The following GLB1 variants were observed in gnomAD, a reference collection of about 807,000 sequenced individuals.
GLB1 encodes galactosidase beta 1.
GLB1 carries 56 observed loss-of-function variants against 74.0 expected under a neutral mutation model. The ratio of observed to expected loss-of-function variants is 0.76; its 90% CI spans 0.61 to 0.94. GLB1 has a LOEUF of 0.94. GLB1 is among the 40% of genes least tolerant of loss of function. GLB1 has a pLI of 0.00. For missense variants in GLB1, 787 were observed against 845.5 expected, an observed-to-expected ratio of 0.93 and a Z score of 0.86; for synonymous variants, 323 against 323.6, an observed-to-expected ratio of 1.00 and a Z score of 0.02.
rs777084738 is a variant in GLB1 at position 33,068,920 on chromosome 3, G to C, written c.296C>G (p.Ser99Cys). ...HEPWPGQYQF[S>C]EDHDVEYFLR... is the part of the protein sequence containing the mutation. ...AAAATATTCCACATCATGGTCCTCA[G>C]AAAACTGGTACTGTCCTGGCCAGGG... Residue 99 changes from serine to cysteine, a missense_variant, in exon 3 of 16, where the codon TCT (serine) becomes TGT (cysteine). Ser to Cys is a moderately radical substitution (Grantham distance 112). Coordinates refer to ENST00000307363, the MANE Select transcript of GLB1 (RefSeq NM_000404.4). 1 of 1,614,128 alleles carries C rather than the reference G, an allele frequency of 6.2e-7. No homozygotes were observed. Among genetic ancestry groups the C allele is most frequent in the South Asian group, 1.1e-5 (1 of 91,082 alleles).
chr3:33,094,386 G>A, intron 1 of GLB1: 1 of 1,351,920 alleles, frequency 7.4e-7, no homozygotes, highest in Non-Finnish European at 9.6e-7. Context: ...ACTTACATCT[G>A]CCCAACCCAC....
intron 10 of GLB1, among the ~76,000 whole-genome samples, chr3:33,040,204 C>T (rs55980934): frequency 0.075 from 11,448 of 152,210 alleles, 559 homozygotes; most frequent in East Asian, 0.24. Flanking sequence ...AGTCAGCCCT[C>T]TGATATATTT....
At chr3:33,087,594 C>A (rs1156280111) in intron 1 of GLB1, among the ~76,000 whole-genome samples, 1 of 123,350 alleles carries the variant, frequency 8.1e-6, no homozygotes, top group African/African-American at 3.0e-5. Context: ...CACACACACA[C>A]ACACACACAC....
chr3:33,072,830 C>A (rs1030310354), intron 1 of GLB1, 117 bp from the exon 2 acceptor site: 16 of 1,483,320 alleles, frequency 1.1e-5, no homozygotes, highest in Non-Finnish European at 1.4e-5. Flanking sequence ...TGCTGATGGA[C>A]TTAATGCTTG....
chr3:33,030,187 G>A (rs1266066296), intron 10 of GLB1: 1 of 152,202 alleles, frequency 6.6e-6, no homozygotes, highest in Admixed American at 6.5e-5. Context: ...TTAAGGCCAG[G>A]AAGTCACATC....
rs1219109972 is a variant in GLB1 at position 33,093,103 on chromosome 3, T to C, written c.75+3908A>G. ...GCCAGGGGCTGGTGAGCTAGCAAGA[T>C]GATTGTGTGGTCTGGGCTGCAGCCC... On this transcript the variant is annotated intron_variant, in intron 1 of 15. Coordinates refer to ENST00000307363, the MANE Select transcript of GLB1 (RefSeq NM_000404.4). This position sits in a 1 kb window ranked among gnomAD's most constrained non-coding sequence, Gnocchi z 6.0. 1.9e-6 allele frequency: 3 copies of C among 1,614,014 alleles called. No homozygotes were observed. Among genetic ancestry groups the C allele is most frequent in the African/African-American group, 2.7e-5 (2 of 74,914 alleles).
At chr3:33,092,642 G>A in intron 1 of GLB1, 3 of 1,370,316 alleles carry the variant, frequency 2.2e-6, no homozygotes, top group Non-Finnish European at 2.8e-6. Flanking sequence ...ACTGGCCAAG[G>A]AAATAGTTAA....
intron 10 of GLB1, 122 bp from the exon 11 acceptor site, chr3:33,024,447 G>GA: frequency 9.4e-7 from 1 of 1,065,862 alleles, no homozygotes; most frequent in Non-Finnish European, 1.3e-6. Context: ...TGCTTTTTTG[G>GA]AAAATCAAAG....
downstream of GLB1, among the ~76,000 whole-genome samples, chr3:32,995,378 C>T (rs539431552): frequency 3.9e-5 from 6 of 152,040 alleles, no homozygotes; most frequent in South Asian, 1.2e-3. Flanking sequence ...GGTAACTGTG[C>T]AGTGGAGGAG....
intron 14 of GLB1, 150 bp from the exon 15 acceptor site, chr3:33,014,460 C>A: frequency 8.3e-7 from 1 of 1,208,016 alleles, no homozygotes; most frequent in Admixed American, 2.2e-5. Context: ...CGAAGTAACA[C>A]AGATCTAACT....
At chr3:32,974,524 A>G in the GLB1 span, among the ~76,000 whole-genome samples, 1 of 152,156 alleles carries the variant, frequency 6.6e-6, no homozygotes, top group Admixed American at 6.5e-5. Context: ...TAAATATCAT[A>G]AAAAATTTGC....
rs557844974 is a variant in GLB1 at position 32,996,821 on chromosome 3, C to A, written c.*224G>T. The A allele has an allele frequency of 2.4e-5, 16 of 665,682 alleles. No individual in the cohort carries two copies. The highest frequency in any genetic ancestry group is 4.0e-5 in the Non-Finnish European group (16 of 403,778). The allele number at this position is 665,682 out of a possible 1,614,324, so 41.2% of individuals were successfully genotyped here. A position where few individuals can be genotyped will look rare whatever the true frequency, so the allele number is the denominator to read the frequency against. ...CTTTAAAGCTTCCATTCCAGCCCTGCAGATATGTATGCACGTTACTGTGCT... is the reference window on the plus strand; with the variant it reads ...CTTTAAAGCTTCCATTCCAGCCCTGAAGATATGTATGCACGTTACTGTGCT... On this transcript the variant is annotated 3_prime_UTR_variant, in exon 16 of 16. Coordinates refer to ENST00000307363, the MANE Select transcript of GLB1 (RefSeq NM_000404.4).
intron 10 of GLB1, among the ~76,000 whole-genome samples, chr3:33,026,974 C>T (rs958812085): frequency 5.9e-5 from 9 of 152,206 alleles, no homozygotes; most frequent in Non-Finnish European, 1.3e-4. Context: ...ACTCAAGATC[C>T]GCTGAATGGT....
At chr3:33,096,070 G>A (rs977021365) in intron 1 of GLB1, among the ~76,000 whole-genome samples, 1 of 152,180 alleles carries the variant, frequency 6.6e-6, no homozygotes, top group South Asian at 2.1e-4. Flanking sequence ...TTATTAAAGG[G>A]TGTAACTTAC....
intron 6 of GLB1, among the ~76,000 whole-genome samples, chr3:33,057,598 A>G (rs1296205826): frequency 6.6e-6 from 1 of 152,172 alleles, no homozygotes; most frequent in Non-Finnish European, 1.5e-5. Flanking sequence ...TCAGTGTTCT[A>G]AGTTATGCAG....
chr3:33,054,362 A>C (rs1699129970), intron 6 of GLB1, among the ~76,000 whole-genome samples: 1 of 152,160 alleles, frequency 6.6e-6, no homozygotes, highest in African/African-American at 2.4e-5. Flanking sequence ...TGTGTGGACC[A>C]GAGAACATTG....
intron 10 of GLB1, among the ~76,000 whole-genome samples, chr3:33,036,725 C>CAACACA (rs10662168): frequency 0.86 from 130,014 of 151,842 alleles, 56,439 homozygotes; most frequent in Admixed American, 0.93. Context: ...TGACACGTTA[C>CAACACA]AACGTTGAAA....
intron 1 of GLB1, chr3:33,092,864 G>A: frequency 6.2e-7 from 1 of 1,611,164 alleles, no homozygotes; most frequent in Middle Eastern, 1.7e-4. Flanking sequence ...TGAGCTCTGT[G>A]ATCTCGGCCC....
intron 3 of GLB1, 60 bp from the exon 4 acceptor site, chr3:33,068,350 T>C (rs766074438): frequency 7.9e-5 from 126 of 1,604,484 alleles, no homozygotes; most frequent in Middle Eastern, 5.3e-4. Context: ...TCAGAGGAGA[T>C]AGAAATTACT....
Sources: gnomAD v4.1 joint callset for allele counts (sites outside exome capture counted in the v4.1 genomes callset) on GRCh38, gnomAD v4.1.1 for gene constraint, Gnocchi (gnomAD v3.1) non-coding constraint, MANE v1.5 for transcripts, NCBI Gene and HGNC (gene_info 2026-07-23, HGNC 2026-07-21) for gene names.